Variants in GPR63 observed in about 807,000 individuals in gnomAD.
GPR63 encodes probable G protein-coupled receptor 63.
A neutral mutation model predicts 23.1 loss-of-function variants in GPR63; 12 were observed. That is an observed-to-expected ratio of 0.52 (90% CI 0.33 to 0.84). The LOEUF (loss-of-function observed/expected upper bound fraction) is 0.84. GPR63 is among the 40% of genes least tolerant of loss of function. The pLI is 0.02. For missense variants in GPR63, 472 were observed against 515.6 expected, an observed-to-expected ratio of 0.92 and a Z score of 0.82; for synonymous variants, 172 against 191.1, an observed-to-expected ratio of 0.90 and a Z score of 0.82.
At chr6:96,833,940 G>A (rs1774655946) in intron 1 of GPR63, among the ~76,000 whole-genome samples, 1 of 152,000 alleles carries the variant, frequency 6.6e-6, no homozygotes, top group Admixed American at 6.6e-5. Flanking sequence ...CCCCATACCT[G>A]CAAATATACC....
At chr6:96,831,034 T>C (rs1346009979) in intron 1 of GPR63, among the ~76,000 whole-genome samples, 1 of 152,258 alleles carries the variant, frequency 6.6e-6, no homozygotes, top group Non-Finnish European at 1.5e-5. Flanking sequence ...CTAAATTTTG[T>C]AAATTTAAAC....
chr6:96,814,571 C>T (rs1446080138), intron 1 of GPR63, among the ~76,000 whole-genome samples: 3 of 152,146 alleles, frequency 2.0e-5, no homozygotes, highest in Non-Finnish European at 4.4e-5. Context: ...GAACCCAGGG[C>T]GTCCGGCTCC....
chr6:96,813,824 T>C (rs1774099567), intron 1 of GPR63, among the ~76,000 whole-genome samples: 1 of 152,172 alleles, frequency 6.6e-6, no homozygotes, highest in African/African-American at 2.4e-5. Flanking sequence ...GCAGTGGCTA[T>C]GATTATATAT....
chr6:96,808,767 TTTTTA>T lies in GPR63; in HGVS notation c.-150-8891_-150-8887del, dbSNP rs766311867. On this transcript the variant is annotated intron_variant, in intron 1 of 1. Coordinates refer to ENST00000229955, the MANE Select transcript of GPR63 (RefSeq NM_030784.4). ...TCAACTAAACAGGGCCAGCTTCTTT[TTTTTA>T]TTTTATTTTATTATTATGATACTTT... 9.9e-5 allele frequency among the ~76,000 whole-genome samples: 15 copies of T among 151,998 alleles called. No homozygotes were observed. The South Asian group carries it at 1.2e-3, about 13-fold the overall frequency.
At chr6:96,831,375 T>C (rs1227025413) in intron 1 of GPR63, among the ~76,000 whole-genome samples, 2 of 151,032 alleles carry the variant, frequency 1.3e-5, no homozygotes, top group African/African-American at 2.4e-5. Flanking sequence ...GAAAAAGCAC[T>C]AGACAATCAG....
chr6:96,828,005 C>T (rs1359931329), intron 1 of GPR63, among the ~76,000 whole-genome samples: 1 of 152,076 alleles, frequency 6.6e-6, no homozygotes, highest in East Asian at 1.9e-4. Context: ...TAATTTCTAA[C>T]TTGAGAGAGA....
In GPR63 at chr6:96,798,048, G is replaced by A. The variant is rs1230678850; in HGVS notation, c.*424C>T. ...TAAATATATATTGATTGAGATGTTTGGCTCCAATGTGATGGTAAAAGCAGC... is the reference window on the plus strand; with the variant it reads ...TAAATATATATTGATTGAGATGTTTAGCTCCAATGTGATGGTAAAAGCAGC... On this transcript the variant is annotated 3_prime_UTR_variant, in exon 2 of 2. Transcript: ENST00000229955. 2 of 158,108 alleles carry A rather than the reference G, an allele frequency of 1.3e-5. No individual in the cohort carries two copies. The highest frequency in any genetic ancestry group is 2.8e-5 in the Non-Finnish European group (2 of 71,388). The allele number at this position is 158,108 out of a possible 1,614,324, so 9.8% of individuals were successfully genotyped here. A position where few individuals can be genotyped will look rare whatever the true frequency, so the allele number is the denominator to read the frequency against.
At position 96,799,793 on chromosome 6, in the gene GPR63, G is replaced by T; in HGVS notation, c.-62C>A. On this transcript the variant is annotated 5_prime_UTR_variant, in exon 2 of 2. In the 5' UTR this introduces an upstream ATG that the reference lacks. Coordinates refer to ENST00000229955, the MANE Select transcript of GPR63 (RefSeq NM_030784.4). ...GGAGTTCTTCAAGCATTTCAACACA[G>T]AACAGCAGTATCAGGTCCCATTGAT... 1 of 1,540,120 alleles carries T rather than the reference G, an allele frequency of 6.5e-7. No homozygotes were observed. Among genetic ancestry groups the T allele is most frequent in the Non-Finnish European group, 9.0e-7 (1 of 1,113,044 alleles).
At chr6:96,836,599 A>C (rs1774734605) in intron 1 of GPR63, among the ~76,000 whole-genome samples, 1 of 150,182 alleles carries the variant, frequency 6.7e-6, no homozygotes, top group African/African-American at 2.4e-5. Flanking sequence ...ATGTTGTTGG[A>C]TTTTTTTTTT....
intron 1 of GPR63, among the ~76,000 whole-genome samples, chr6:96,825,329 C>G (rs552825892): frequency 3.9e-5 from 6 of 152,000 alleles, no homozygotes; most frequent in Non-Finnish European, 8.8e-5. Context: ...GGAAAAAAAT[C>G]AGACTTGAAC....
In GPR63 at chr6:96,797,559, C is replaced by T. The variant is rs1372638937; in HGVS notation, c.*913G>A. ...TAAAAATGAAAACAATAATACCTAC[C>T]TCACAACATCCTGTAAGGATAAAAT... On this transcript the variant is annotated 3_prime_UTR_variant, in exon 2 of 2. Coordinates refer to ENST00000229955, the MANE Select transcript of GPR63 (RefSeq NM_030784.4). 6.6e-6 allele frequency: 1 copy of T among 152,154 alleles called. No homozygotes were observed. Among genetic ancestry groups the T allele is most frequent in the East Asian group, 1.9e-4 (1 of 5,182 alleles). 9.4% of individuals were successfully genotyped at this position (152,154 alleles called of 1,614,324 possible). A position where few individuals can be genotyped will look rare whatever the true frequency, so the allele number is the denominator to read the frequency against.
intron 1 of GPR63, among the ~76,000 whole-genome samples, chr6:96,826,959 G>A (rs1774453732): frequency 1.3e-5 from 2 of 150,446 alleles, no homozygotes; most frequent in South Asian, 2.1e-4. Flanking sequence ...GCAGGCAACA[G>A]CAAATGTATT....
chr6:96,836,965 C>T (rs1774747152), intron 1 of GPR63, among the ~76,000 whole-genome samples: 1 of 151,958 alleles, frequency 6.6e-6, no homozygotes, highest in Admixed American at 6.5e-5. Flanking sequence ...CGACCGTTTT[C>T]CTAGAAGGCC....
Position 96,798,685 on chromosome 6 carries a change from A to G in GPR63, c.1047T>C (p.Phe349=). 1 of 1,614,220 alleles carries G rather than the reference A, an allele frequency of 6.2e-7. No homozygotes were observed. The highest frequency in any genetic ancestry group is 8.5e-7 in the Non-Finnish European group (1 of 1,180,034). The change falls in exon 2 of 2, where the codon TTT becomes TTC. Residue 349 remains phenylalanine (F), a synonymous_variant. Transcript: ENST00000229955. ...ACAGTAGCCAGGTGCTAATCTCAAA[A>G]AAGTTGTGCTGATAGTAAAAGTGCT... ...FSKHFYYQHN[F]FEISTWLLWL... is the part of the protein sequence containing the mutation.
intron 1 of GPR63, among the ~76,000 whole-genome samples, chr6:96,817,053 A>G (rs536888733): frequency 6.6e-6 from 1 of 152,332 alleles, no homozygotes; most frequent in South Asian, 2.1e-4. Flanking sequence ...TAAGAACAGA[A>G]AGGCAAGCCA....
rs920052632 is a variant in GPR63 at position 96,796,096 on chromosome 6, C to T, written c.*2376G>A. 1 of 152,112 alleles carries T rather than the reference C, an allele frequency of 6.6e-6. No individual in the cohort carries two copies. The highest frequency in any genetic ancestry group is 1.5e-5 in the Non-Finnish European group (1 of 68,028). The allele number at this position is 152,112 out of a possible 1,614,324, so 9.4% of individuals were successfully genotyped here. A position where few individuals can be genotyped will look rare whatever the true frequency, so the allele number is the denominator to read the frequency against. ...GCAATTTCCTTAAGAGCAGAGTTTC[C>T]CAGATATTTCATGATGTCTTCAACC... On this transcript the variant is annotated 3_prime_UTR_variant, in exon 2 of 2. Coordinates refer to ENST00000229955, the MANE Select transcript of GPR63 (RefSeq NM_030784.4).
intron 1 of GPR63, among the ~76,000 whole-genome samples, chr6:96,820,708 T>C (rs1020303220): frequency 1.3e-5 from 2 of 152,152 alleles, no homozygotes; most frequent in Non-Finnish European, 2.9e-5. Flanking sequence ...ACTGAATTTC[T>C]GGGTAGAGCT....
intron 1 of GPR63, among the ~76,000 whole-genome samples, chr6:96,812,700 T>A (rs1331527084): frequency 1.3e-5 from 2 of 152,120 alleles, no homozygotes; most frequent in African/African-American, 4.8e-5. Context: ...CTATTTCTTT[T>A]TATTTTTTTA....
chr6:96,832,931 T>C (rs1449732749), intron 1 of GPR63, among the ~76,000 whole-genome samples: 1 of 152,174 alleles, frequency 6.6e-6, no homozygotes, highest in Non-Finnish European at 1.5e-5. Context: ...AGAAACCTGA[T>C]ATTCAACTTA....
Sources: allele counts gnomAD v4.1 joint callset (sites outside exome capture counted in the v4.1 genomes callset), GRCh38; gene constraint gnomAD v4.1.1; transcripts MANE v1.5; gene names NCBI Gene and HGNC (gene_info 2026-07-23, HGNC 2026-07-21).